CTNND2: variants seen among roughly 807,000 people sequenced by gnomAD.
CTNND2 encodes catenin delta-2.
Under a neutral mutation model 144.4 loss-of-function variants are expected in CTNND2, and 22 were observed. The observed-to-expected ratio is 0.15, with a 90% CI of 0.11 to 0.22. The LOEUF (loss-of-function observed/expected upper bound fraction) is 0.22, where lower values mean the gene tolerates loss of function less well. Among genes scored for constraint, CTNND2 ranks in the 10% least tolerant of loss-of-function variants. CTNND2 has a pLI of 1.00. For synonymous variants in CTNND2, 751 were observed against 695.6 expected (o/e 1.08, Z -1.25); for missense variants, 1,353 against 1,618.8 (o/e 0.84, Z 2.82).
intron 12 of CTNND2, among the ~76,000 whole-genome samples, chr5:11,131,017 A>C (rs931218522): frequency 1.1e-4 from 17 of 152,224 alleles, no homozygotes; most frequent in Non-Finnish European, 2.2e-4. Context: ...ATGATTTGCC[A>C]GCCATGGCCA....
chr5:11,378,853 C>CT (rs1298173814), intron 7 of CTNND2, among the ~76,000 whole-genome samples: 3 of 152,080 alleles, frequency 2.0e-5, no homozygotes, highest in Non-Finnish European at 4.4e-5. Flanking sequence ...TCTGAAATCT[C>CT]TAAACAGTAA....
intron 1 of CTNND2, among the ~76,000 whole-genome samples, chr5:11,836,464 T>A (rs998822324): frequency 1.3e-5 from 2 of 152,018 alleles, no homozygotes; most frequent in African/African-American, 4.8e-5. Context: ...TTCATGACAC[T>A]ATGGTTCTGC....
At chr5:11,892,405 A>G (rs1338855217) in intron 1 of CTNND2, among the ~76,000 whole-genome samples, 2 of 152,240 alleles carry the variant, frequency 1.3e-5, no homozygotes, top group African/African-American at 4.8e-5. Flanking sequence ...CATGAAAGTA[A>G]CAATGCTCTA....
intron 18 of CTNND2, among the ~76,000 whole-genome samples, chr5:10,993,752 T>TATCA (rs1324396970): frequency 1.3e-5 from 2 of 152,136 alleles, no homozygotes; most frequent in Non-Finnish European, 2.9e-5. Context: ...GGCTTTATCC[T>TATCA]ATCAGTCAAG....
chr5:11,450,922 AAT>A (rs1554061329), intron 3 of CTNND2, among the ~76,000 whole-genome samples: 126 of 143,566 alleles, frequency 8.8e-4, no homozygotes, highest in African/African-American at 2.9e-3. Flanking sequence ...AAAAAAAAAA[AAT>A]GTGTTCCAAA....
chr5:11,470,981 T>TATATATATA lies in CTNND2; in HGVS notation c.288-58913_288-58912insTATATATAT, dbSNP rs58435800. On this transcript the variant is annotated intron_variant, in intron 3 of 21. Transcript: ENST00000304623. ...ATATATATATATATATATATATATATTTTTTTTTTTTTTTTAGATGGAGTC... is the reference window on the plus strand; with the variant it reads ...ATATATATATATATATATATATATATATATATATATTTTTTTTTTTTTTTAGATGGAGTC... 2.6e-3 allele frequency among the ~76,000 whole-genome samples: 166 copies of TATATATATA among 63,978 alleles called. 2 individuals are homozygous for TATATATATA. The highest frequency in any genetic ancestry group is 4.5e-3 in the African/African-American group (53 of 11,826). The allele number at this position is 63,978 out of a possible 152,430, so 42.0% of individuals were successfully genotyped here.
intron 11 of CTNND2, among the ~76,000 whole-genome samples, chr5:11,196,794 T>C (rs568560448): frequency 2.0e-5 from 3 of 151,242 alleles, no homozygotes; most frequent in South Asian, 4.2e-4. Context: ...CTCACCACTG[T>C]AGGGGGCACT....
intron 1 of CTNND2, among the ~76,000 whole-genome samples, chr5:11,889,685 C>T (rs1736816976): frequency 6.6e-6 from 1 of 152,138 alleles, no homozygotes; most frequent in Non-Finnish European, 1.5e-5. Flanking sequence ...AATATAAATT[C>T]TCAGATACAG....
chr5:11,211,287 G>A (rs932981885), intron 10 of CTNND2, among the ~76,000 whole-genome samples: 2 of 152,160 alleles, frequency 1.3e-5, no homozygotes, highest in African/African-American at 4.8e-5. Flanking sequence ...TGGGGGAGGC[G>A]AGATGAGGTT....
At chr5:11,123,702 A>C (rs1754369778) in intron 12 of CTNND2, among the ~76,000 whole-genome samples, 1 of 152,220 alleles carries the variant, frequency 6.6e-6, no homozygotes, top group African/African-American at 2.4e-5. Context: ...CTATACTTCG[A>C]TTAGCCCCAT....
chr5:11,824,600 A>G lies in CTNND2; in HGVS notation c.37+79217T>C, dbSNP rs536003381. Among the ~76,000 whole-genome samples, 25 of 152,304 alleles carry G rather than the reference A, an allele frequency of 1.6e-4. No homozygotes were observed. The East Asian group carries it at 4.4e-3, about 27-fold the overall frequency. On this transcript the variant is annotated intron_variant, in intron 1 of 21. Coordinates refer to ENST00000304623, the MANE Select transcript of CTNND2 (RefSeq NM_001332.4). Reference sequence around the variant, plus strand: ...TGACACAAAGCAGAAGTCAGCTACCATTAGGAGAGATACAGGAAACTCTCT... The same window carrying G: ...TGACACAAAGCAGAAGTCAGCTACCGTTAGGAGAGATACAGGAAACTCTCT...
At chr5:11,312,541 C>T (rs2150054716) in intron 9 of CTNND2, among the ~76,000 whole-genome samples, 1 of 152,116 alleles carries the variant, frequency 6.6e-6, no homozygotes, top group East Asian at 1.9e-4. Flanking sequence ...AAGACCGGCC[C>T]CCATGATTCA....
chr5:11,764,626 A>G (rs1380800114), intron 1 of CTNND2, among the ~76,000 whole-genome samples: 1 of 152,146 alleles, frequency 6.6e-6, no homozygotes, highest in Non-Finnish European at 1.5e-5. Context: ...TGGTTCCAAC[A>G]TGTGACTTTT....
intron 1 of CTNND2, among the ~76,000 whole-genome samples, chr5:11,771,759 A>G (rs1369926109): frequency 6.6e-6 from 1 of 152,192 alleles, no homozygotes; most frequent in Non-Finnish European, 1.5e-5. Flanking sequence ...AGTTTTCTCT[A>G]ATTTCCCACT....
intron 1 of CTNND2, among the ~76,000 whole-genome samples, chr5:11,762,636 G>A (rs540748019): frequency 1.3e-5 from 2 of 152,304 alleles, no homozygotes; most frequent in Non-Finnish European, 2.9e-5. Context: ...TTTTATGCAT[G>A]ACATATTTTG....
chr5:11,127,329 G>A (rs1451906460), intron 12 of CTNND2, among the ~76,000 whole-genome samples: 5 of 152,182 alleles, frequency 3.3e-5, no homozygotes, highest in Admixed American at 2.6e-4. Flanking sequence ...CTCACCAGAG[G>A]TACCACTCCT....
At chr5:11,331,358 T>C (rs961594506) in intron 9 of CTNND2, among the ~76,000 whole-genome samples, 1 of 152,176 alleles carries the variant, frequency 6.6e-6, no homozygotes, top group Non-Finnish European at 1.5e-5. Flanking sequence ...TTAACCCCTG[T>C]AGAAGTCAGG....
At chr5:11,784,907 T>A (rs537934428) in intron 1 of CTNND2, among the ~76,000 whole-genome samples, 1 of 152,340 alleles carries the variant, frequency 6.6e-6, no homozygotes, top group Admixed American at 6.5e-5. Context: ...CCTGGACTTC[T>A]GACCTTTGGA....
chr5:11,228,339 G>GTC lies in CTNND2; in HGVS notation c.1761+8350_1761+8351dup, dbSNP rs1246831307. ...CAGCCTAGGCAACAGAGGAGACTCT[G>GTC]TCTCTCTCTCTCTCAAAAAAAAAAA... is the stretch of plus-strand genomic sequence containing the variant. On this transcript the variant is annotated intron_variant, in intron 10 of 21. Transcript: ENST00000304623. Among the ~76,000 whole-genome samples, 314 of 103,740 alleles carry GTC rather than the reference G, an allele frequency of 3.0e-3. 3 individuals are homozygous for GTC. The highest frequency in any genetic ancestry group is 0.011 in the African/African-American group (300 of 26,464). 68.1% of individuals were successfully genotyped at this position (103,740 alleles called of 152,430 possible).
Sources: gnomAD v4.1 joint callset for allele counts (sites outside exome capture counted in the v4.1 genomes callset) on GRCh38, gnomAD v4.1.1 for gene constraint, MANE v1.5 for transcripts, NCBI Gene and HGNC (gene_info 2026-07-23, HGNC 2026-07-21) for gene names.